CERS6: variants seen among roughly 807,000 people sequenced by gnomAD.
The protein encoded by CERS6 is LAG1 homolog, ceramide synthase 6.
CERS6 carries 26 observed loss-of-function variants against 56.8 expected under a neutral mutation model. The ratio of observed to expected loss-of-function variants is 0.46; its 90% CI spans 0.34 to 0.63. The LOEUF is 0.63. CERS6 is among the 30% of genes least tolerant of loss of function. CERS6 has a pLI of 0.01. For synonymous variants in CERS6, 164 were observed against 173.3 expected (o/e 0.95, Z 0.42); for missense variants, 415 against 467.5 (o/e 0.89, Z 1.04).
At chr2:168,741,641 G>A (rs972835980) in intron 8 of CERS6, among the ~76,000 whole-genome samples, 3 of 152,168 alleles carry the variant, frequency 2.0e-5, no homozygotes, top group Admixed American at 1.3e-4. Flanking sequence ...TGAGCATGAC[G>A]TTGACTGTGT....
intron 4 of CERS6, among the ~76,000 whole-genome samples, chr2:168,631,513 T>A (rs1248048375): frequency 2.4e-5 from 1 of 41,292 alleles, no homozygotes; most frequent in African/African-American, 5.7e-5. Context: ...ATAATATATA[T>A]AAACTATTAT....
At chr2:168,465,636 A>G (rs917240625) in intron 1 of CERS6, among the ~76,000 whole-genome samples, 2 of 152,210 alleles carry the variant, frequency 1.3e-5, no homozygotes, top group African/African-American at 2.4e-5. Flanking sequence ...AGTCACAAAA[A>G]GACAAATACT....
At position 168,562,128 on chromosome 2, in the gene CERS6, C is replaced by T. The variant is rs76122571; in HGVS notation, c.407+806C>T. Among the ~76,000 whole-genome samples, 857 of 152,290 alleles carry T rather than the reference C, an allele frequency of 5.6e-3. 15 individuals carry two copies. The highest frequency in any genetic ancestry group is 0.019 in the African/African-American group (808 of 41,548). On this transcript the variant is annotated intron_variant, in intron 3 of 9. Coordinates refer to ENST00000305747, the MANE Select transcript of CERS6 (RefSeq NM_203463.3). Reference sequence around the variant, plus strand: ...TCTTCTTTCGGGAGCTGTTTCCTGACGTCTGGTCATTTAAACAGTAGTGCT... The same window carrying T: ...TCTTCTTTCGGGAGCTGTTTCCTGATGTCTGGTCATTTAAACAGTAGTGCT...
chr2:168,744,591 T>C (rs1279901894), intron 8 of CERS6, among the ~76,000 whole-genome samples: 1 of 152,216 alleles, frequency 6.6e-6, no homozygotes, highest in East Asian at 1.9e-4. Flanking sequence ...TGGGACAGTT[T>C]GGCAACCTCA....
intron 2 of CERS6, among the ~76,000 whole-genome samples, chr2:168,556,624 A>G (rs1432627799): frequency 2.0e-5 from 3 of 152,202 alleles, no homozygotes; most frequent in Non-Finnish European, 2.9e-5. Context: ...AGAATTATTC[A>G]TACTTCATAA....
chr2:168,714,504 G>A (rs1449510506), intron 6 of CERS6, among the ~76,000 whole-genome samples: 1 of 152,176 alleles, frequency 6.6e-6, no homozygotes, highest in Non-Finnish European at 1.5e-5. Context: ...CTGTACAGTT[G>A]CCCCAAAGAT....
At chr2:168,493,575 T>C (rs1694411651) in intron 1 of CERS6, among the ~76,000 whole-genome samples, 1 of 152,174 alleles carries the variant, frequency 6.6e-6, no homozygotes, top group African/African-American at 2.4e-5. Context: ...GGATCTTACC[T>C]GCTAGCCAGG....
intron 4 of CERS6, among the ~76,000 whole-genome samples, chr2:168,682,069 T>C (rs1574156646): frequency 6.6e-6 from 1 of 152,330 alleles, no homozygotes. Flanking sequence ...TGAATAGTGC[T>C]ACAATAAACA....
chr2:168,665,836 A>G (rs538247301), intron 4 of CERS6, among the ~76,000 whole-genome samples: 2 of 152,334 alleles, frequency 1.3e-5, no homozygotes, highest in South Asian at 2.1e-4. Flanking sequence ...TCAAGAAGTT[A>G]TATACTCTGA....
At chr2:168,551,334 C>T (rs1280501900) in intron 2 of CERS6, among the ~76,000 whole-genome samples, 7 of 152,128 alleles carry the variant, frequency 4.6e-5, no homozygotes, top group East Asian at 1.9e-4. Flanking sequence ...TTTATAAACA[C>T]TTTATAGAAA....
intron 8 of CERS6, among the ~76,000 whole-genome samples, chr2:168,754,002 CG>C (rs1684351743): frequency 6.6e-6 from 1 of 152,064 alleles, no homozygotes; most frequent in Non-Finnish European, 1.5e-5. Context: ...TGGCTTGATG[CG>C]GGGGCGGGGT....
chr2:168,550,773 A>G (rs1476942242), intron 2 of CERS6, among the ~76,000 whole-genome samples: 3 of 152,142 alleles, frequency 2.0e-5, no homozygotes, highest in Non-Finnish European at 2.9e-5. Context: ...GGGCTACACA[A>G]AAGGCTCAGC....
In CERS6 at chr2:168,747,420, T is replaced by G. The variant is rs1321753568; in HGVS notation, c.846-18172T>G. On this transcript the variant is annotated intron_variant, in intron 8 of 9. Coordinates refer to ENST00000305747, the MANE Select transcript of CERS6 (RefSeq NM_203463.3). ...CACTATAGATATGGATTTTTAATCA[T>G]TTTTTAAAACCATTAGAAATAGTAT... 3.9e-5 allele frequency among the ~76,000 whole-genome samples: 6 copies of G among 152,326 alleles called. No individual in the cohort carries two copies. In the South Asian group the frequency reaches 1.0e-3, roughly 26 times the overall value.
At chr2:168,541,989 G>T (rs1160684339) in intron 1 of CERS6, among the ~76,000 whole-genome samples, 1 of 152,154 alleles carries the variant, frequency 6.6e-6, no homozygotes, top group Non-Finnish European at 1.5e-5. Flanking sequence ...TCTGATCTCA[G>T]GGTAGAGCTG....
chr2:168,523,141 T>C (rs1695012009), intron 1 of CERS6, among the ~76,000 whole-genome samples: 1 of 152,210 alleles, frequency 6.6e-6, no homozygotes, highest in African/African-American at 2.4e-5. Flanking sequence ...TACAAAGCCA[T>C]AGAGACGTAG....
Position 168,769,618 on chromosome 2 carries a change from A to G in CERS6, c.1111A>G (p.Thr371Ala), listed in dbSNP as rs1456441286. Residue 371 changes from threonine to alanine, a missense_variant, in exon 10 of 10, where the codon ACC becomes GCC. Physicochemically the swap from Thr to Ala is moderately conservative, Grantham distance 58. Transcript: ENST00000305747. ...TATTTNGTSG[T>A]NGYLLTGSCS... ...GACAACCACCAATGGGACCAGTGGTACCAACGGGTATCTCCTGACTGGCTC... is the reference window on the plus strand; with the variant it reads ...GACAACCACCAATGGGACCAGTGGTGCCAACGGGTATCTCCTGACTGGCTC... 1 of 1,612,404 alleles carries G rather than the reference A, an allele frequency of 6.2e-7. No individual in the cohort carries two copies.
chr2:168,645,131 AT>A (rs1685153973), intron 4 of CERS6, among the ~76,000 whole-genome samples: 1 of 43,462 alleles, frequency 2.3e-5, no homozygotes, highest in Admixed American at 2.9e-4. Context: ...ATATATATAT[AT>A]ATATATATAT....
intron 3 of CERS6, among the ~76,000 whole-genome samples, chr2:168,586,008 G>C (rs1683532790): frequency 6.6e-6 from 1 of 152,044 alleles, no homozygotes; most frequent in Non-Finnish European, 1.5e-5. Flanking sequence ...TTTTGAGACA[G>C]GGTCTTACTC....
At chr2:168,670,965 T>TCC (rs1685893692) in intron 4 of CERS6, among the ~76,000 whole-genome samples, 1 of 23,110 alleles carries the variant, frequency 4.3e-5, no homozygotes. Flanking sequence ...GGATACATGC[T>TCC]TCCCCCCCCC....
Sources: gnomAD v4.1 joint callset for allele counts (sites outside exome capture counted in the v4.1 genomes callset) on GRCh38, gnomAD v4.1.1 for gene constraint, MANE v1.5 for transcripts, NCBI Gene and HGNC (gene_info 2026-07-23, HGNC 2026-07-21) for gene names.